The following LDLRAD3 variants were observed in gnomAD, a reference collection of about 807,000 sequenced individuals.
LDLRAD3 encodes the protein low density lipoprotein receptor class A domain containing 3.
A neutral mutation model predicts 29.4 loss-of-function variants in LDLRAD3; 20 were observed. The ratio of observed to expected loss-of-function variants is 0.68; its 90% confidence interval spans 0.48 to 0.99. The LOEUF (loss-of-function observed/expected upper bound fraction) is 0.99. Among genes scored for constraint, LDLRAD3 ranks in the 50% least tolerant of loss-of-function variants. The probability of loss-of-function intolerance (pLI) is 0.00; values close to 1 mark genes in which losing one functional copy is unlikely to be tolerated. For missense variants in LDLRAD3, 420 were observed against 454.3 expected, an observed-to-expected ratio of 0.92 and a Z score of 0.69; for synonymous variants, 157 against 192.7, an observed-to-expected ratio of 0.81 and a Z score of 1.53.
chr11:36,225,462 G>C (rs548105001), intron 4 of LDLRAD3, among the ~76,000 whole-genome samples: 1 of 152,174 alleles, frequency 6.6e-6, no homozygotes, highest in Admixed American at 6.5e-5. Flanking sequence ...TCCTTAGCAT[G>C]TGTGGAGAGA....
rs1011683637 is a variant in LDLRAD3 at position 35,948,473 on chromosome 11, C to T, written c.46+4329C>T. 4.6e-5 allele frequency among the ~76,000 whole-genome samples: 7 copies of T among 150,860 alleles called. No homozygotes were observed. In the South Asian group the frequency reaches 8.4e-4, roughly 18 times the overall value. ...GTGTGTGTGTGTGTGTGTGTGTGCA[C>T]ATGCACACATGTGCATATGTATGTA... On this transcript the variant is annotated intron_variant, in intron 1 of 5. Transcript: ENST00000315571.
At chr11:36,045,920 G>C (rs1852443667) in intron 2 of LDLRAD3, among the ~76,000 whole-genome samples, 1 of 152,028 alleles carries the variant, frequency 6.6e-6, no homozygotes, top group African/African-American at 2.4e-5. Context: ...TAGGTTTTAA[G>C]ACCCGCGTGC....
chr11:36,032,805 G>A (rs566533197), intron 1 of LDLRAD3, among the ~76,000 whole-genome samples: 1 of 152,242 alleles, frequency 6.6e-6, no homozygotes, highest in East Asian at 1.9e-4. Context: ...GATGCAAATT[G>A]GATGGGTTTG....
rs181378543 is a variant in LDLRAD3, at chr11:35,971,546, C to T, written c.46+27402C>T. Among the ~76,000 whole-genome samples the T allele has an allele frequency of 1.2e-3, 181 of 152,306 alleles. 1 individual carries two copies. Among genetic ancestry groups the T allele is most frequent in the African/African-American group, 4.1e-3 (172 of 41,554 alleles). On this transcript the variant is annotated intron_variant, in intron 1 of 5. Transcript: ENST00000315571. ...ACACAGAGGAAGGACCATGTGCAGA[C>T]ACAGTGAGAAGGTGGTCATCTGCAA...
intron 3 of LDLRAD3, among the ~76,000 whole-genome samples, chr11:36,093,736 T>C (rs755076436): frequency 6.6e-6 from 1 of 152,174 alleles, no homozygotes; most frequent in Non-Finnish European, 1.5e-5. Flanking sequence ...GAATGAGATA[T>C]GCTGACAATT....
In LDLRAD3 at chr11:36,103,453, A is replaced by T. The variant is rs977390133; in HGVS notation, c.454+4992A>T. Among the ~76,000 whole-genome samples, 7 of 152,066 alleles carry T rather than the reference A, an allele frequency of 4.6e-5. No individual in the cohort carries two copies. In the East Asian group the frequency reaches 1.4e-3, roughly 29 times the overall value. ...ACGGGGTTTCACCGTGTTAGCCGGGATGGTCTCCATCTCCTGACCTCATGA... is the reference window on the plus strand; with the variant it reads ...ACGGGGTTTCACCGTGTTAGCCGGGTTGGTCTCCATCTCCTGACCTCATGA... On this transcript the variant is annotated intron_variant, in intron 4 of 5. Coordinates refer to ENST00000315571, the MANE Select transcript of LDLRAD3 (RefSeq NM_174902.4).
chr11:35,985,374 C>T (rs967731408), intron 1 of LDLRAD3, among the ~76,000 whole-genome samples: 8 of 151,936 alleles, frequency 5.3e-5, no homozygotes, highest in Admixed American at 1.3e-4. Flanking sequence ...GGAGTAGACT[C>T]GGGGAGAGGA....
intron 1 of LDLRAD3, among the ~76,000 whole-genome samples, chr11:35,946,534 TC>T (rs1851059248): frequency 6.6e-6 from 1 of 152,202 alleles, no homozygotes; most frequent in Admixed American, 6.5e-5. Context: ...TTTTAATGTA[TC>T]CTGCGAGAGA....
intron 1 of LDLRAD3, among the ~76,000 whole-genome samples, chr11:36,031,910 G>T (rs2133206498): frequency 6.6e-6 from 1 of 152,326 alleles, no homozygotes. Context: ...TGGCTGAAAT[G>T]ACAGAAGTTT....
In LDLRAD3 at chr11:36,216,579, A is replaced by G. The variant is rs541303583; in HGVS notation, c.455-10506A>G. Among the ~76,000 whole-genome samples the G allele has an allele frequency of 2.1e-4, 32 of 152,348 alleles. 2 individuals are homozygous for G. The South Asian group carries it at 6.6e-3, about 32-fold the overall frequency. ...TCCCATTTTAAAGGTGAGGATTTTG[A>G]GACACAGAGAGGCAAAGTAACTTTT... is the stretch of plus-strand genomic sequence containing the variant. On this transcript the variant is annotated intron_variant, in intron 4 of 5. Coordinates refer to ENST00000315571, the MANE Select transcript of LDLRAD3 (RefSeq NM_174902.4).
intron 1 of LDLRAD3, chr11:35,967,696 C>T (rs1276065292): frequency 2.1e-6 from 1 of 473,854 alleles, no homozygotes; most frequent in South Asian, 1.6e-5. Context: ...TGTCCGGGTG[C>T]ACCATGCCAG....
intron 4 of LDLRAD3, among the ~76,000 whole-genome samples, chr11:36,104,793 G>A (rs2133280690): frequency 6.6e-6 from 1 of 152,238 alleles, no homozygotes; most frequent in South Asian, 2.1e-4. Context: ...TCATCACACT[G>A]ACGGACAGAC....
chr11:36,128,151 G>C, intron 4 of LDLRAD3, among the ~76,000 whole-genome samples: 1 of 88,712 alleles, frequency 1.1e-5, no homozygotes, highest in Non-Finnish European at 2.8e-5. Flanking sequence ...TGACATGTAG[G>C]CAATTAAACT....
intron 4 of LDLRAD3, among the ~76,000 whole-genome samples, chr11:36,226,066 C>CAAATAAAT (rs3081279): frequency 0.033 from 4,877 of 148,000 alleles, 118 homozygotes; most frequent in East Asian, 0.1. Context: ...GACCCTGTCT[C>CAAATAAAT]AAATAAATAA....
At position 36,219,178 on chromosome 11, in the gene LDLRAD3, T is replaced by G. The variant is rs533253691; in HGVS notation, c.455-7907T>G. On this transcript the variant is annotated intron_variant, in intron 4 of 5. Transcript: ENST00000315571. ...CACAAAGCATAAAATATTTACTATC[T>G]GGTCCTTGACAGTAAAAGTTTGCCA... Among the ~76,000 whole-genome samples the G allele has an allele frequency of 2.3e-3, 343 of 152,386 alleles. 1 individual carries two copies. Among genetic ancestry groups the G allele is most frequent in the African/African-American group, 7.9e-3 (330 of 41,590 alleles).
intron 4 of LDLRAD3, among the ~76,000 whole-genome samples, chr11:36,217,723 G>T (rs561653279): frequency 6.6e-6 from 1 of 152,336 alleles, no homozygotes; most frequent in African/African-American, 2.4e-5. Context: ...CTCTGAGGGA[G>T]AGTCTGTTCC....
chr11:36,142,487 A>G (rs1247861374), intron 4 of LDLRAD3, among the ~76,000 whole-genome samples: 1 of 152,172 alleles, frequency 6.6e-6, no homozygotes, highest in East Asian at 1.9e-4. Flanking sequence ...TGAAGTCTGG[A>G]TGTCCTCAAC....
intron 1 of LDLRAD3, among the ~76,000 whole-genome samples, chr11:36,004,900 T>C (rs1818695223): frequency 6.6e-6 from 1 of 152,204 alleles, no homozygotes; most frequent in South Asian, 2.1e-4. Context: ...CCTTGGCCCC[T>C]TTTAGCTGGA....
intron 1 of LDLRAD3, among the ~76,000 whole-genome samples, chr11:36,023,447 G>A (rs1358522729): frequency 1.3e-5 from 2 of 152,164 alleles, no homozygotes; most frequent in African/African-American, 4.8e-5. Flanking sequence ...GGGAGCTGGA[G>A]ACTTGGATTC....
Sources: allele counts gnomAD v4.1 joint callset (sites outside exome capture counted in the v4.1 genomes callset), GRCh38; gene constraint gnomAD v4.1.1; transcripts MANE v1.5; gene names NCBI Gene and HGNC (gene_info 2026-07-23, HGNC 2026-07-21).